Variants in CCDC77 observed in about 807,000 individuals in gnomAD.
The protein encoded by CCDC77 is coiled-coil domain-containing protein 77.
Under a neutral mutation model 66.8 loss-of-function variants are expected in CCDC77, and 56 were observed. The ratio of observed to expected loss-of-function variants is 0.84; its 90% CI spans 0.68 to 1.05. The LOEUF is 1.05. Among genes scored for constraint, CCDC77 ranks in the 50% least tolerant of loss-of-function variants. The pLI, the probability that CCDC77 is intolerant of heterozygous loss-of-function variation, is 0.00. For synonymous variants in CCDC77, 196 were observed against 195.2 expected (o/e 1.00, Z -0.03); for missense variants, 570 against 576.8 (o/e 0.99, Z 0.12).
chr12:433,120 T>C, intron 8 of CCDC77, 54 bp from the exon 9 acceptor site: 1 of 1,551,692 alleles, frequency 6.4e-7, no homozygotes, highest in Non-Finnish European at 8.7e-7. Flanking sequence ...TTCCTAGAGG[T>C]ATGAAGTAAG....
At chr12:438,132 TGAGCATGG>T (rs1945790115) in intron 9 of CCDC77, among the ~76,000 whole-genome samples, 195 bp from the exon 10 acceptor site, 1 of 152,204 alleles carries the variant, frequency 6.6e-6, no homozygotes, top group Admixed American at 6.5e-5. Flanking sequence ...TATGAACCAG[TGAGCATGG>T]GTAGATACAT....
intron 5 of CCDC77, among the ~76,000 whole-genome samples, chr12:423,473 TTTTGTG>T (rs1314637610): frequency 1.4e-4 from 5 of 36,378 alleles, no homozygotes; most frequent in African/African-American, 4.1e-4. Flanking sequence ...TTTTTGTGTT[TTTTGTG>T]TTTTTTTTTG....
At chr12:415,317 A>AT (rs1292603654) in intron 4 of CCDC77, among the ~76,000 whole-genome samples, 1 of 106,732 alleles carries the variant, frequency 9.4e-6, no homozygotes, top group Non-Finnish European at 1.9e-5. Flanking sequence ...TATTATGTTA[A>AT]TATAATCAAC....
chr12:441,924 C>A lies in CCDC77; in HGVS notation c.*4C>A. 1 of 1,613,712 alleles carries A rather than the reference C, an allele frequency of 6.2e-7. No individual in the cohort carries two copies. The highest frequency in any genetic ancestry group is 8.5e-7 in the Non-Finnish European group (1 of 1,179,834). Reference sequence around the variant, plus strand: ...GAATGAACTTAGACTCTGTTAATGTCTACTTTTGGAAATGGCCCCCATTTA... The same window carrying A: ...GAATGAACTTAGACTCTGTTAATGTATACTTTTGGAAATGGCCCCCATTTA... On this transcript the variant is annotated 3_prime_UTR_variant, in exon 13 of 13. Transcript: ENST00000239830.
At chr12:409,556 G>C in intron 3 of CCDC77, 135 bp downstream of exon 3, 1 of 778,690 alleles carries the variant, frequency 1.3e-6, no homozygotes, top group Non-Finnish European at 2.1e-6. Context: ...TTCACTCTGT[G>C]CCCAGGATGG....
At chr12:436,717 A>AACGTT in intron 9 of CCDC77, 1 of 955,612 alleles carries the variant, frequency 1.0e-6, no homozygotes, top group Non-Finnish European at 1.2e-6. Context: ...GAATACCAGT[A>AACGTT]ACCTTCCTTG....
At chr12:407,196 TAAG>T (rs1453852141) in intron 2 of CCDC77, among the ~76,000 whole-genome samples, 1 of 152,152 alleles carries the variant, frequency 6.6e-6, no homozygotes, top group Non-Finnish European at 1.5e-5. Flanking sequence ...GCATAGGTGA[TAAG>T]TAGTTGTCAG....
At chr12:422,048 AC>A (rs1303540067) in intron 5 of CCDC77, among the ~76,000 whole-genome samples, 56 of 38,270 alleles carry the variant, frequency 1.5e-3, no homozygotes, top group East Asian at 3.1e-3. Flanking sequence ...GAGAGGGTAA[AC>A]ACACATAGCA....
upstream of CCDC77, among the ~76,000 whole-genome samples, chr12:399,321 G>A (rs548727975): frequency 2.0e-5 from 3 of 152,180 alleles, no homozygotes; most frequent in African/African-American, 4.8e-5. Context: ...ACAGGCATGC[G>A]CCATCATGGC....
intron 4 of CCDC77, among the ~76,000 whole-genome samples, chr12:415,761 T>C (rs1945243517): frequency 6.6e-6 from 1 of 151,860 alleles, no homozygotes; most frequent in Non-Finnish European, 1.5e-5. Flanking sequence ...GCCTCCCAAG[T>C]AGCTGGGACT....
intron 9 of CCDC77, among the ~76,000 whole-genome samples, chr12:437,115 A>G (rs1224539098): frequency 6.6e-6 from 1 of 152,214 alleles, no homozygotes; most frequent in East Asian, 1.9e-4. Context: ...TGTTTGGTAG[A>G]AAAATACAGT....
chr12:408,828 A>G (rs924564967), intron 2 of CCDC77, among the ~76,000 whole-genome samples: 18 of 152,284 alleles, frequency 1.2e-4, no homozygotes, highest in Admixed American at 8.5e-4. Flanking sequence ...TGCCATTCTG[A>G]TTTTTATTTG....
At chr12:406,757 G>A (rs1944998452) in intron 2 of CCDC77, among the ~76,000 whole-genome samples, 1 of 152,178 alleles carries the variant, frequency 6.6e-6, no homozygotes, top group Non-Finnish European at 1.5e-5. Flanking sequence ...GACCAGCCTG[G>A]CCAACATGGT....
At chr12:428,163 G>A (rs539978969) in intron 5 of CCDC77, among the ~76,000 whole-genome samples, 67 of 152,240 alleles carry the variant, frequency 4.4e-4, no homozygotes, top group African/African-American at 1.5e-3. Context: ...CATCAGCCCC[G>A]AAGAGCAAGA....
chr12:428,595 C>T lies in CCDC77; in HGVS notation c.414-174C>T, dbSNP rs566714992. On this transcript the variant is annotated intron_variant, in intron 5 of 12. Coordinates refer to ENST00000239830, the MANE Select transcript of CCDC77 (RefSeq NM_032358.4). ...CTGAATGGAAATACCTGATGTTTTACGAAGTAGAGCTGAAGTCTAGATACA... is the reference window on the plus strand; with the variant it reads ...CTGAATGGAAATACCTGATGTTTTATGAAGTAGAGCTGAAGTCTAGATACA... 1.6e-4 allele frequency among the ~76,000 whole-genome samples: 24 copies of T among 146,900 alleles called. No individual in the cohort carries two copies. In the South Asian group the frequency reaches 4.8e-3, roughly 29 times the overall value.
At chr12:398,703 T>C (rs980305053), upstream of CCDC77, among the ~76,000 whole-genome samples, 1 of 152,090 alleles carries the variant, frequency 6.6e-6, no homozygotes, top group Non-Finnish European at 1.5e-5. Context: ...ATTATTGATA[T>C]TGACCTCCTC....
intron 9 of CCDC77, among the ~76,000 whole-genome samples, chr12:436,544 A>G (rs1181735633): frequency 6.6e-6 from 1 of 152,176 alleles, no homozygotes; most frequent in Non-Finnish European, 1.5e-5. Flanking sequence ...CTTTTAACAT[A>G]GTATAATGTG....
Position 411,808 on chromosome 12 carries a change from G to A in CCDC77, c.100G>A (p.Ala34Thr). Residue 34 changes from alanine (A) to threonine (T), a missense_variant, in exon 4 of 13, where the codon GCA (alanine) becomes ACA (threonine). Ala to Thr is a moderately conservative substitution (Grantham distance 58). Transcript: ENST00000239830. ...TGGTCCCACCAAGAGGAGGGGAATGGCAGATTCACTGGAGTCAACCCCCTT... is the reference window on the plus strand; with the variant it reads ...TGGTCCCACCAAGAGGAGGGGAATGACAGATTCACTGGAGTCAACCCCCTT... ...VSGPTKRRGM[A>T]DSLESTPLPS... is the part of the protein sequence containing the mutation. The A allele has an allele frequency of 6.2e-7, 1 of 1,614,114 alleles. No individual in the cohort carries two copies.
At position 441,842 on chromosome 12, in the gene CCDC77, G is replaced by A; in HGVS notation, c.1389G>A (p.Arg463=). 1.9e-6 allele frequency: 3 copies of A among 1,613,750 alleles called. No homozygotes were observed. The highest frequency in any genetic ancestry group is 2.2e-5 in the East Asian group (1 of 44,878). ...GTGAGGTCCGTGACAGCAATAGACG[G>A]GCACATAAGATACAAGGAGAACTGA... is the stretch of plus-strand genomic sequence containing the variant. The part of the protein sequence containing the change: ...LLCEVRDSNR[R]AHKIQGELKN... Residue 463 remains arginine (R), a synonymous_variant, in exon 13 of 13, where the codon CGG becomes CGA. Coordinates refer to ENST00000239830, the MANE Select transcript of CCDC77 (RefSeq NM_032358.4).
Sources: gnomAD v4.1 joint callset for allele counts (sites outside exome capture counted in the v4.1 genomes callset) on GRCh38, gnomAD v4.1.1 for gene constraint, MANE v1.5 for transcripts, NCBI Gene and HGNC (gene_info 2026-07-23, HGNC 2026-07-21) for gene names.